STK3: variants seen among roughly 807,000 people sequenced by gnomAD.
STK3 encodes the protein serine/threonine kinase 3.
Under a neutral mutation model 58.0 loss-of-function variants are expected in STK3, and 41 were observed. That is an observed-to-expected ratio of 0.71 (90% CI 0.55 to 0.92). STK3 has a LOEUF of 0.92. Ranked by LOEUF, STK3 falls within the 40% of genes least tolerant of loss-of-function variation. STK3 has a pLI of 0.00. For synonymous variants in STK3, 170 were observed against 191.0 expected (o/e 0.89, Z 0.91); for missense variants, 479 against 602.7 (o/e 0.79, Z 2.15).
chr8:98,716,675 T>G (rs1003760543), intron 4 of STK3, among the ~76,000 whole-genome samples: 14 of 152,014 alleles, frequency 9.2e-5, no homozygotes, highest in African/African-American at 3.1e-4. Flanking sequence ...ATAGAAAAAC[T>G]TATCCTAAAA....
At chr8:98,696,806 G>C (rs1339247280) in intron 6 of STK3, among the ~76,000 whole-genome samples, 1 of 151,458 alleles carries the variant, frequency 6.6e-6, no homozygotes, top group African/African-American at 2.5e-5. Flanking sequence ...AAGGATATTG[G>C]TCTAAAATTC....
At chr8:98,878,435 C>T (rs542561130) in intron 3 of STK3, among the ~76,000 whole-genome samples, 1 of 152,266 alleles carries the variant, frequency 6.6e-6, no homozygotes, top group East Asian at 1.9e-4. Flanking sequence ...CTGCTCCACC[C>T]TGACTCATTT....
intron 10 of STK3, among the ~76,000 whole-genome samples, chr8:98,477,871 T>G (rs1821502526): frequency 6.6e-6 from 1 of 152,014 alleles, no homozygotes; most frequent in East Asian, 1.9e-4. Flanking sequence ...GGCTGTCCTG[T>G]GCTTTGTAGG....
At position 98,526,920 on chromosome 8, in the gene STK3, T is replaced by C. The variant is rs1344064094; in HGVS notation, c.1142-3A>G. The C allele has an allele frequency of 1.3e-6, 2 of 1,536,958 alleles. No homozygotes were observed. Among genetic ancestry groups the C allele is most frequent in the Non-Finnish European group, 1.8e-6 (2 of 1,136,314 alleles). Reference sequence around the variant, plus strand: ...TACTTGTGGTGAGGTTGCATTTCCTTAGGTAAACAAAGAACATAAGGAAGG... The same window carrying C: ...TACTTGTGGTGAGGTTGCATTTCCTCAGGTAAACAAAGAACATAAGGAAGG... On this transcript the variant is annotated splice_region_variant and splice_polypyrimidine_tract_variant and intron_variant, in intron 9 of 10. Coordinates refer to ENST00000419617, the MANE Select transcript of STK3 (RefSeq NM_006281.4).
rs912117836 is a variant in STK3 at position 98,923,585 on chromosome 8, C to T, written c.-79+18793G>A. Among the ~76,000 whole-genome samples the T allele has an allele frequency of 3.9e-5, 6 of 152,266 alleles. No individual in the cohort carries two copies. The South Asian group carries it at 6.2e-4, about 16-fold the overall frequency. On this transcript the variant is annotated intron_variant, in intron 1 of 1. Coordinates refer to the STK3 transcript ENST00000519420. ...TGTGAACATGGCCTGAGAAACCCCA[C>T]GGGCATGTCCTTAAGCACAGAACGA...
chr8:98,359,903 G>A, the STK3 span, among the ~76,000 whole-genome samples: 1 of 152,140 alleles, frequency 6.6e-6, no homozygotes, highest in African/African-American at 2.4e-5. Flanking sequence ...GGCATGGGAA[G>A]GGTAAACAGT....
At chr8:98,690,386 A>G (rs913960254) in intron 6 of STK3, among the ~76,000 whole-genome samples, 3 of 151,572 alleles carry the variant, frequency 2.0e-5, no homozygotes, top group African/African-American at 7.3e-5. Context: ...TAGCACTTCT[A>G]TACGCTAATA....
intron 10 of STK3, among the ~76,000 whole-genome samples, chr8:98,521,211 T>A (rs976109392): frequency 3.3e-5 from 5 of 152,186 alleles, no homozygotes; most frequent in African/African-American, 9.6e-5. Flanking sequence ...TTTAAGGCTA[T>A]CTGCCCTATA....
At chr8:98,564,286 G>T (rs1403157783) in intron 8 of STK3, among the ~76,000 whole-genome samples, 1 of 152,148 alleles carries the variant, frequency 6.6e-6, no homozygotes, top group African/African-American at 2.4e-5. Context: ...GCGACATCAT[G>T]AACCCTTTCT....
intron 8 of STK3, among the ~76,000 whole-genome samples, chr8:98,570,446 A>G (rs911120987): frequency 4.0e-5 from 6 of 151,894 alleles, no homozygotes; most frequent in Non-Finnish European, 7.4e-5. Flanking sequence ...TGGCCCAAAT[A>G]TATTTATTTT....
At chr8:98,426,656 C>G (rs574336177) in intron 3 of STK3, among the ~76,000 whole-genome samples, 41 of 152,344 alleles carry the variant, frequency 2.7e-4, no homozygotes, top group African/African-American at 8.9e-4. Flanking sequence ...GGAGTTCCTC[C>G]GGTCCCGCCC....
At chr8:98,921,212 T>C (rs1365888781) in intron 1 of STK3, 2 of 151,960 alleles carry the variant, frequency 1.3e-5, no homozygotes, top group African/African-American at 4.8e-5. Context: ...AGGAGTTGTG[T>C]CTATCTTATT....
At chr8:98,825,909 G>A (rs982694399), upstream of STK3, among the ~76,000 whole-genome samples, 2 of 145,222 alleles carry the variant, frequency 1.4e-5, no homozygotes, top group Non-Finnish European at 3.0e-5. Context: ...CGGCGGCCCA[G>A]AGAAGGTGGA....
intron 4 of STK3, among the ~76,000 whole-genome samples, chr8:98,717,219 A>G (rs1477677066): frequency 6.6e-6 from 1 of 152,068 alleles, no homozygotes; most frequent in Admixed American, 6.5e-5. Context: ...ATCCCAAGAC[A>G]ATATCAACAG....
chr8:98,366,076 C>T, the STK3 span, among the ~76,000 whole-genome samples: 1 of 152,102 alleles, frequency 6.6e-6, no homozygotes, highest in African/African-American at 2.4e-5. Flanking sequence ...TAGATGTTAC[C>T]AAAATTGTTC....
chr8:98,693,650 T>C (rs1400073823), intron 6 of STK3, among the ~76,000 whole-genome samples: 3 of 152,188 alleles, frequency 2.0e-5, no homozygotes, highest in Non-Finnish European at 4.4e-5. Context: ...ACCACTGTGT[T>C]AAATCCTTGC....
At chr8:98,905,032 A>C in intron 1 of STK3, 1 of 882,430 alleles carries the variant, frequency 1.1e-6, no homozygotes, top group Non-Finnish European at 1.9e-6. Flanking sequence ...GCATCGTTGT[A>C]ATACCTGGAT....
At chr8:98,530,817 T>C (rs1263822603) in intron 9 of STK3, among the ~76,000 whole-genome samples, 2 of 152,218 alleles carry the variant, frequency 1.3e-5, no homozygotes, top group Admixed American at 6.5e-5. Flanking sequence ...AAGTCCTTTG[T>C]TGTCATTTCA....
intron 1 of STK3, among the ~76,000 whole-genome samples, chr8:98,381,503 T>C (rs1817733390): frequency 6.6e-6 from 1 of 152,202 alleles, no homozygotes; most frequent in East Asian, 1.9e-4. Context: ...GCACTTGGGT[T>C]AGGGGATAGA....
Sources: allele counts gnomAD v4.1 joint callset (sites outside exome capture counted in the v4.1 genomes callset), GRCh38; gene constraint gnomAD v4.1.1; transcripts MANE v1.5; gene names NCBI Gene and HGNC (gene_info 2026-07-23, HGNC 2026-07-21).